The following ST6GALNAC5 variants were observed in gnomAD, a reference collection of about 807,000 sequenced individuals.
The protein encoded by ST6GALNAC5 is alpha-N-acetylgalactosaminide alpha-2,6-sialyltransferase 5.
In ST6GALNAC5, 27 loss-of-function variants were observed where a neutral mutation model predicts 33.6. That is an observed-to-expected ratio of 0.80 (90% CI 0.59 to 1.11). The LOEUF is 1.11. ST6GALNAC5 is among the 50% of genes least tolerant of loss of function. ST6GALNAC5 has a pLI of 0.00. For missense variants in ST6GALNAC5, 428 were observed against 454.0 expected (o/e 0.94, Z 0.52); for synonymous variants, 194 against 171.2 (o/e 1.13, Z -1.04).
intron 2 of ST6GALNAC5, among the ~76,000 whole-genome samples, chr1:76,986,712 C>T (rs991804104): frequency 4.6e-5 from 7 of 152,082 alleles, no homozygotes; most frequent in Admixed American, 6.6e-5. Flanking sequence ...CACATGCACA[C>T]GTATGTTTAT....
Position 76,885,012 on chromosome 1 carries a change from T to C in ST6GALNAC5, c.261+16270T>C, listed in dbSNP as rs1227670822. Reference sequence around the variant, plus strand: ...GGTCTGACAAGTAAAAGACCATTCTTAGTACCCCCACAGAGCATGCTGATG... The same window carrying C: ...GGTCTGACAAGTAAAAGACCATTCTCAGTACCCCCACAGAGCATGCTGATG... On this transcript the variant is annotated intron_variant, in intron 2 of 4. Transcript: ENST00000477717. Among the ~76,000 whole-genome samples, 5 of 152,278 alleles carry C rather than the reference T, an allele frequency of 3.3e-5. No homozygotes were observed. In the South Asian group the frequency reaches 8.3e-4, roughly 25 times the overall value.
intron 2 of ST6GALNAC5, among the ~76,000 whole-genome samples, chr1:76,895,674 G>T (rs990900315): frequency 3.9e-5 from 6 of 152,222 alleles, no homozygotes; most frequent in African/African-American, 1.4e-4. Context: ...GGAGATATCA[G>T]CTGTGATGGC....
At chr1:77,032,054 ATAT>A (rs1296727723) in intron 2 of ST6GALNAC5, among the ~76,000 whole-genome samples, 4 of 152,120 alleles carry the variant, frequency 2.6e-5, no homozygotes, top group Admixed American at 2.6e-4. Flanking sequence ...GTAAGCTTAA[ATAT>A]TATTATTATC....
chr1:77,048,815 G>T (rs577017779), intron 3 of ST6GALNAC5, among the ~76,000 whole-genome samples: 1 of 152,286 alleles, frequency 6.6e-6, no homozygotes, highest in South Asian at 2.1e-4. Flanking sequence ...TGCTTATTTA[G>T]CTCTCAAGTA....
In ST6GALNAC5 at chr1:77,058,610, A is replaced by G. The variant is rs574970988; in HGVS notation, c.780-4365A>G. On this transcript the variant is annotated intron_variant, in intron 4 of 4. Coordinates refer to ENST00000477717, the MANE Select transcript of ST6GALNAC5 (RefSeq NM_030965.3). ...TGCCCAACCTTGAATTTTTTGAGACATCAGAATCATGGGCCAAATAAGGCT... is the reference window on the plus strand; with the variant it reads ...TGCCCAACCTTGAATTTTTTGAGACGTCAGAATCATGGGCCAAATAAGGCT... 2.0e-5 allele frequency among the ~76,000 whole-genome samples: 3 copies of G among 152,344 alleles called. No homozygotes were observed. The East Asian group carries it at 5.8e-4, about 29-fold the overall frequency.
intron 2 of ST6GALNAC5, among the ~76,000 whole-genome samples, chr1:77,011,330 T>C (rs1650627447): frequency 1.3e-5 from 2 of 152,216 alleles, no homozygotes; most frequent in South Asian, 2.1e-4. Flanking sequence ...GAGTGGAGAA[T>C]TGGGGATTTA....
At chr1:77,058,398 T>C (rs1000583350) in intron 4 of ST6GALNAC5, among the ~76,000 whole-genome samples, 7 of 152,216 alleles carry the variant, frequency 4.6e-5, no homozygotes, top group African/African-American at 1.4e-4. Flanking sequence ...CATGAATAGA[T>C]TAGTGCCCTC....
chr1:76,958,154 T>A (rs558131177), intron 2 of ST6GALNAC5, among the ~76,000 whole-genome samples: 1 of 152,202 alleles, frequency 6.6e-6, no homozygotes, highest in East Asian at 1.9e-4. Context: ...TGATGCCACA[T>A]GTGACAGCTT....
chr1:77,029,474 A>G (rs568902902), intron 2 of ST6GALNAC5, among the ~76,000 whole-genome samples: 299 of 152,354 alleles, frequency 2.0e-3, no homozygotes, highest in African/African-American at 6.9e-3. Context: ...AAGGTGTCAG[A>G]AAGGGAAAGA....
chr1:76,942,003 G>A (rs764709824), intron 2 of ST6GALNAC5, among the ~76,000 whole-genome samples: 3 of 152,230 alleles, frequency 2.0e-5, no homozygotes, highest in South Asian at 4.1e-4. Flanking sequence ...AGATAGGCGG[G>A]CCTTAAATGG....
At chr1:77,001,956 T>A (rs1384126890) in intron 2 of ST6GALNAC5, among the ~76,000 whole-genome samples, 1 of 152,114 alleles carries the variant, frequency 6.6e-6, no homozygotes, top group African/African-American at 2.4e-5. Context: ...ATTCTCTTTT[T>A]TGGTTGTGTC....
chr1:76,883,411 C>G (rs1653827710), intron 2 of ST6GALNAC5, among the ~76,000 whole-genome samples: 1 of 152,134 alleles, frequency 6.6e-6, no homozygotes, highest in Non-Finnish European at 1.5e-5. Flanking sequence ...GTTGGGTAGG[C>G]AAAGTTCTAT....
At chr1:76,895,728 A>C (rs1045549658) in intron 2 of ST6GALNAC5, among the ~76,000 whole-genome samples, 6 of 152,210 alleles carry the variant, frequency 3.9e-5, no homozygotes, top group East Asian at 1.9e-4. Flanking sequence ...AGAGCAGGGC[A>C]TGTATGAGTA....
At chr1:76,977,359 A>G (rs1301208827) in intron 2 of ST6GALNAC5, among the ~76,000 whole-genome samples, 1 of 152,134 alleles carries the variant, frequency 6.6e-6, no homozygotes, top group Admixed American at 6.5e-5. Flanking sequence ...TGAAATGTAC[A>G]CAACATTGTT....
chr1:77,028,825 G>T (rs916760691), intron 2 of ST6GALNAC5, among the ~76,000 whole-genome samples: 1 of 152,214 alleles, frequency 6.6e-6, no homozygotes. Flanking sequence ...TCAACAGTTG[G>T]TAAGTGATGG....
intron 2 of ST6GALNAC5, among the ~76,000 whole-genome samples, chr1:76,976,038 T>A (rs979976028): frequency 3.3e-5 from 5 of 152,078 alleles, no homozygotes; most frequent in South Asian, 4.1e-4. Context: ...GAGACTGCAG[T>A]GAGTTGAGAT....
chr1:76,935,301 G>A (rs747964530), intron 2 of ST6GALNAC5, among the ~76,000 whole-genome samples: 33 of 152,026 alleles, frequency 2.2e-4, no homozygotes, highest in Admixed American at 3.9e-4. Flanking sequence ...TGTCTGGATA[G>A]GGGAAAAAAT....
intron 2 of ST6GALNAC5, among the ~76,000 whole-genome samples, chr1:77,008,369 C>A (rs1650505644): frequency 6.6e-6 from 1 of 152,096 alleles, no homozygotes; most frequent in South Asian, 2.1e-4. Context: ...GGACCTTGGG[C>A]AAATGACTTA....
At chr1:77,032,025 ACAGCGAAAGG>A (rs1322229783) in intron 2 of ST6GALNAC5, among the ~76,000 whole-genome samples, 1 of 152,226 alleles carries the variant, frequency 6.6e-6, no homozygotes, top group African/African-American at 2.4e-5. Context: ...AAAATCATAG[ACAGCGAAAGG>A]CAGAGAGGGT....
Sources: gnomAD v4.1 joint callset for allele counts (sites outside exome capture counted in the v4.1 genomes callset) on GRCh38, gnomAD v4.1.1 for gene constraint, MANE v1.5 for transcripts, NCBI Gene and HGNC (gene_info 2026-07-23, HGNC 2026-07-21) for gene names.